The following TRHR variants were observed in gnomAD, a reference collection of about 807,000 sequenced individuals.
TRHR encodes thyrotropin releasing hormone receptor.
In TRHR, 14 loss-of-function variants were observed where a neutral mutation model predicts 28.0. The observed-to-expected ratio is 0.50, with a 90% CI of 0.33 to 0.78. The LOEUF is 0.78. Ranked by LOEUF, TRHR falls within the 30% of genes least tolerant of loss-of-function variation. The pLI is 0.02. For synonymous variants in TRHR, 176 were observed against 171.9 expected (o/e 1.02, Z -0.18); for missense variants, 438 against 469.5 (o/e 0.93, Z 0.62).
chr8:109,088,220 T>C lies in TRHR; in HGVS notation c.708T>C (p.Asn236=), dbSNP rs769220033. ...DPKENSKTWK[N]DSTHQNTNLN... is the part of the protein sequence containing the mutation. ...AAGAAAACTCTAAGACATGGAAAAA[T>C]GATTCAACCCATCAGAACACAAATC... The change falls in exon 2 of 3, where the codon AAT becomes AAC. Residue 236 remains asparagine (N), a synonymous_variant. Transcript: ENST00000518632. 378 of 1,613,910 alleles carry C rather than the reference T, an allele frequency of 2.3e-4. 1 individual carries two copies. Among genetic ancestry groups the C allele is most frequent in the Non-Finnish European group, 2.4e-4 (286 of 1,180,014 alleles).
chr8:109,089,376 T>TTTTTTTTTTTTTTTTTTTTTTTGAGACGG (rs1184258049), intron 2 of TRHR, among the ~76,000 whole-genome samples: 1 of 151,498 alleles, frequency 6.6e-6, no homozygotes, highest in Non-Finnish European at 1.5e-5. Context: ...GTGTACTTTG[T>TTTTTTTTTTTTTTTTTTTTTTTGAGACGG]AAAAAAGTAT....
Position 109,119,388 on chromosome 8 carries a change from T to C in TRHR, c.1130T>C (p.Leu377Pro). ...GATATCACTGTCACTGACACTTACC[T>C]GTCTGCCACAAAAGTGTCTTTTGAT... ...LDDITVTDTYLSATKVSFDDT... is the reference protein window; with the variant it reads ...LDDITVTDTYPSATKVSFDDT... Residue 377 changes from leucine to proline, a missense_variant, in exon 3 of 3, where the codon CTG (leucine) becomes CCG (proline). By Grantham distance (98) the Leu-to-Pro change is moderately conservative. Transcript: ENST00000518632. The C allele has an allele frequency of 6.2e-7, 1 of 1,612,466 alleles. No homozygotes were observed. The highest frequency in any genetic ancestry group is 8.5e-7 in the Non-Finnish European group (1 of 1,179,026).
intron 2 of TRHR, among the ~76,000 whole-genome samples, chr8:109,104,774 C>T (rs1811725225): frequency 6.6e-6 from 1 of 151,974 alleles, no homozygotes; most frequent in African/African-American, 2.4e-5. Flanking sequence ...ACTTCCCCAT[C>T]CCACTTCAAG....
At chr8:109,103,800 A>G (rs531510329) in intron 2 of TRHR, among the ~76,000 whole-genome samples, 2 of 152,262 alleles carry the variant, frequency 1.3e-5, no homozygotes, top group African/African-American at 4.8e-5. Context: ...AGGATAATCA[A>G]TCGGGAAAGG....
chr8:109,119,565 TTTG>T lies in TRHR; in HGVS notation c.*112_*114del. ...TATGTGAAGACAGAGCAGATCAGTCTTTGTCAATGCTCTAACAAATTCTGGCCC... is the reference window on the plus strand; with the variant it reads ...TATGTGAAGACAGAGCAGATCAGTCTTCAATGCTCTAACAAATTCTGGCCC... On this transcript the variant is annotated 3_prime_UTR_variant, in exon 3 of 3. Transcript: ENST00000518632. The T allele has an allele frequency of 7.6e-7, 1 of 1,318,642 alleles. No homozygotes were observed. Among genetic ancestry groups the T allele is most frequent in the Non-Finnish European group, 1.1e-6 (1 of 949,136 alleles). The allele number at this position is 1,318,642 out of a possible 1,614,324, so 81.7% of individuals were successfully genotyped here.
At chr8:109,113,490 C>A (rs573805920) in intron 2 of TRHR, among the ~76,000 whole-genome samples, 1 of 152,042 alleles carries the variant, frequency 6.6e-6, no homozygotes. Flanking sequence ...CCAGAGGAAC[C>A]TAAGGAGCTG....
rs946664779 is a variant in TRHR, at chr8:109,087,320, T to C, written c.-88-105T>C. 83 of 661,666 alleles carry C rather than the reference T, an allele frequency of 1.3e-4. 1 individual carries two copies. In the East Asian group the frequency reaches 2.0e-3, roughly 16 times the overall value. 41.0% of individuals were successfully genotyped at this position (661,666 alleles called of 1,614,324 possible). On this transcript the variant is annotated intron_variant, in intron 1 of 2. Coordinates refer to ENST00000518632, the MANE Select transcript of TRHR (RefSeq NM_003301.7). Reference sequence around the variant, plus strand: ...GAAGTACACATGAGCCCTATTCCCATAGAAAAATGGGAAGTGAAAGGAGTG... The same window carrying C: ...GAAGTACACATGAGCCCTATTCCCACAGAAAAATGGGAAGTGAAAGGAGTG...
At chr8:109,088,960 ATGAT>A (rs1811483980) in intron 2 of TRHR, among the ~76,000 whole-genome samples, 2 of 152,078 alleles carry the variant, frequency 1.3e-5, no homozygotes, top group Non-Finnish European at 2.9e-5. Flanking sequence ...TTCATAAAGA[ATGAT>A]TGAAATTTTT....
chr8:109,088,072 A>G lies in TRHR; in HGVS notation c.560A>G (p.Tyr187Cys). Reference sequence around the variant, plus strand: ...TGTGGCTACAAGATCTCCAGGAATTACTACTCACCTATTTACCTAATGGAC... The same window carrying G: ...TGTGGCTACAAGATCTCCAGGAATTGCTACTCACCTATTTACCTAATGGAC... ...ISCGYKISRNYYSPIYLMDFG... is the reference protein window; with the variant it reads ...ISCGYKISRNCYSPIYLMDFG... The change falls in exon 2 of 3, where the codon TAC (tyrosine) becomes TGC (cysteine). Residue 187 changes from tyrosine to cysteine, a missense_variant. Tyr to Cys is a radical substitution (Grantham distance 194). Coordinates refer to ENST00000518632, the MANE Select transcript of TRHR (RefSeq NM_003301.7). The G allele has an allele frequency of 6.2e-7, 1 of 1,614,146 alleles. No homozygotes were observed.
chr8:109,114,118 T>C (rs1273080536), intron 2 of TRHR, among the ~76,000 whole-genome samples: 1 of 152,048 alleles, frequency 6.6e-6, no homozygotes, highest in African/African-American at 2.4e-5. Flanking sequence ...TCTACATATT[T>C]AAATACAGTG....
At chr8:109,096,891 T>C (rs911093757) in intron 2 of TRHR, among the ~76,000 whole-genome samples, 1 of 152,238 alleles carries the variant, frequency 6.6e-6, no homozygotes, top group South Asian at 2.1e-4. Flanking sequence ...TCCAACACTC[T>C]ATTTTGCTTC....
chr8:109,103,265 A>AT (rs896049036), intron 2 of TRHR, among the ~76,000 whole-genome samples: 3 of 151,794 alleles, frequency 2.0e-5, no homozygotes, highest in Non-Finnish European at 4.4e-5. Context: ...TTCACAGTCC[A>AT]TTTTTTTTCT....
chr8:109,100,910 T>C (rs530210012), intron 2 of TRHR, among the ~76,000 whole-genome samples: 1 of 152,044 alleles, frequency 6.6e-6, no homozygotes, highest in East Asian at 1.9e-4. Flanking sequence ...AATCTAGAAA[T>C]AACACAATCA....
At chr8:109,088,967 A>G (rs553714690) in intron 2 of TRHR, among the ~76,000 whole-genome samples, 1 of 152,278 alleles carries the variant, frequency 6.6e-6, no homozygotes, top group Non-Finnish European at 1.5e-5. Context: ...AGAATGATTG[A>G]AATTTTTTTA....
Position 109,119,222 on chromosome 8 carries a change from C to G in TRHR, c.964C>G (p.Leu322Val), listed in dbSNP as rs1811965672. Residue 322 changes from leucine (L) to valine (V), a missense_variant, in exon 3 of 3, where the codon CTC (leucine) becomes GTC (valine). Coordinates refer to ENST00000518632, the MANE Select transcript of TRHR (RefSeq NM_003301.7). ...NSAINPVIYNLMSQKFRAAFR... is the reference protein window; with the variant it reads ...NSAINPVIYNVMSQKFRAAFR... Reference sequence around the variant, plus strand: ...TGCCATCAACCCGGTGATTTACAATCTCATGTCCCAGAAATTCCGTGCAGC... The same window carrying G: ...TGCCATCAACCCGGTGATTTACAATGTCATGTCCCAGAAATTCCGTGCAGC... 6.2e-7 allele frequency: 1 copy of G among 1,612,854 alleles called. No homozygotes were observed. Among genetic ancestry groups the G allele is most frequent in the Non-Finnish European group, 8.5e-7 (1 of 1,179,260 alleles).
Position 109,101,969 on chromosome 8 carries a change from G to GA in TRHR, c.789+13671dup, listed in dbSNP as rs1291655985. 1.3e-4 allele frequency among the ~76,000 whole-genome samples: 20 copies of GA among 152,186 alleles called. No homozygotes were observed. In the East Asian group the frequency reaches 3.5e-3, roughly 26 times the overall value. On this transcript the variant is annotated intron_variant, in intron 2 of 2. Transcript: ENST00000518632. The stretch of plus-strand genomic sequence containing the variant: ...CAGAGAGGGAAGAGGAAAACCAGGA[G>GA]AAAGAATCACAGAAATCAAAGAAGG...
At chr8:109,110,362 G>T (rs1811812517) in intron 2 of TRHR, among the ~76,000 whole-genome samples, 1 of 151,932 alleles carries the variant, frequency 6.6e-6, no homozygotes, top group South Asian at 2.1e-4. Context: ...TCCAGCCTGG[G>T]TGACATCGAT....
At chr8:109,095,940 T>G (rs1811583698) in intron 2 of TRHR, among the ~76,000 whole-genome samples, 1 of 151,998 alleles carries the variant, frequency 6.6e-6, no homozygotes, top group African/African-American at 2.4e-5. Context: ...TCACTGCCTC[T>G]CACTGCCCTA....
chr8:109,093,656 G>A (rs1438734750), intron 2 of TRHR, among the ~76,000 whole-genome samples: 1 of 151,556 alleles, frequency 6.6e-6, no homozygotes, highest in Non-Finnish European at 1.5e-5. Flanking sequence ...CGCCAGCCTT[G>A]GCCTCCCAAA....
Sources: gnomAD v4.1 joint callset for allele counts (sites outside exome capture counted in the v4.1 genomes callset) on GRCh38, gnomAD v4.1.1 for gene constraint, MANE v1.5 for transcripts, NCBI Gene and HGNC (gene_info 2026-07-23, HGNC 2026-07-21) for gene names.